MROH9: variants seen among roughly 807,000 people sequenced by gnomAD.
MROH9 encodes maestro heat-like repeat-containing protein family member 9.
MROH9 carries 92 observed loss-of-function variants against 98.2 expected under a neutral mutation model. That is an observed-to-expected ratio of 0.94 (90% CI 0.79 to 1.11). The LOEUF is 1.11. Among genes scored for constraint, MROH9 ranks in the 50% most tolerant of loss-of-function variants. MROH9 has a pLI of 0.00. For missense variants in MROH9, 1,057 were observed against 1,014.8 expected, an observed-to-expected ratio of 1.04 and a Z score of -0.57; for synonymous variants, 397 against 368.9, an observed-to-expected ratio of 1.08 and a Z score of -0.87.
chr1:171,039,680 A>C (rs1653232395), intron 20 of MROH9, among the ~76,000 whole-genome samples: 1 of 152,350 alleles, frequency 6.6e-6, no homozygotes, highest in South Asian at 2.1e-4. Flanking sequence ...AAGAAAAAAA[A>C]GAAATTTGAC....
Position 171,024,719 on chromosome 1 carries a change from A to G in MROH9, c.2132A>G (p.Glu711Gly), listed in dbSNP as rs1209037777. ...TCAACATCACGTTTGCTCAAAGATG[A>G]AAATTACAGTTTTGAGATGGTGGTG... is the stretch of plus-strand genomic sequence containing the variant. ...KWSTSRLLKD[E>G]NYSFEMVVLN... Residue 711 changes from glutamate (E) to glycine (G), a missense_variant, in exon 19 of 22, where the codon GAA becomes GGA. By Grantham distance (98) the Glu-to-Gly change is moderately conservative. Transcript: ENST00000367759. The G allele has an allele frequency of 6.4e-7, 1 of 1,551,204 alleles. No individual in the cohort carries two copies.
intron 20 of MROH9, among the ~76,000 whole-genome samples, chr1:171,027,140 T>C (rs994383492): frequency 2.6e-5 from 4 of 151,972 alleles, no homozygotes; most frequent in South Asian, 4.2e-4. Flanking sequence ...GTTTGTTACA[T>C]AGCTATACAT....
chr1:170,948,832 A>T (rs982724460), intron 3 of MROH9, among the ~76,000 whole-genome samples: 5 of 152,078 alleles, frequency 3.3e-5, no homozygotes, highest in African/African-American at 1.2e-4. Context: ...ACATTCCAAG[A>T]AGAGGAAACA....
In MROH9 at chr1:171,008,353, A is replaced by T. The variant is rs1249109265; in HGVS notation, c.1597-5764A>T. Among the ~76,000 whole-genome samples, 7 of 152,274 alleles carry T rather than the reference A, an allele frequency of 4.6e-5. No homozygotes were observed. The East Asian group carries it at 1.3e-3, about 29-fold the overall frequency. On this transcript the variant is annotated intron_variant, in intron 15 of 21. Coordinates refer to ENST00000367759, the MANE Select transcript of MROH9 (RefSeq NM_001163629.2). ...ATATGATTGGAACTTGACTTATTAG[A>T]ATTTTATTAAGAATTTTTATATCTT...
At chr1:171,028,185 A>G (rs1440354206) in intron 20 of MROH9, among the ~76,000 whole-genome samples, 1 of 152,012 alleles carries the variant, frequency 6.6e-6, no homozygotes. Flanking sequence ...TAAGTCTTTA[A>G]GCCTTGTTAA....
intron 20 of MROH9, among the ~76,000 whole-genome samples, chr1:171,035,669 A>AAGAT (rs1361531177): frequency 1.3e-5 from 2 of 152,208 alleles, no homozygotes; most frequent in Non-Finnish European, 2.9e-5. Flanking sequence ...AACATATAAA[A>AAGAT]AGATATTTGA....
chr1:171,051,093 T>C (rs928671275), intron 20 of MROH9, among the ~76,000 whole-genome samples: 2 of 152,216 alleles, frequency 1.3e-5, no homozygotes, highest in African/African-American at 2.4e-5. Flanking sequence ...CAACAAAAGA[T>C]GCCAGTGAGG....
chr1:171,009,788 G>A (rs1255843936), intron 15 of MROH9, among the ~76,000 whole-genome samples: 5 of 152,158 alleles, frequency 3.3e-5, no homozygotes, highest in Admixed American at 6.5e-5. Context: ...CAGGGGCCAA[G>A]AAAAATAGAT....
In MROH9 at chr1:170,959,431, A is replaced by C. The variant is rs758642685; in HGVS notation, c.153-31A>C. Reference sequence around the variant, plus strand: ...AAATTTCTATTATATTTGTTTTCTCATCATTAATAATTGCTCCTTTTTCTT... The same window carrying C: ...AAATTTCTATTATATTTGTTTTCTCCTCATTAATAATTGCTCCTTTTTCTT... On this transcript the variant is annotated intron_variant, in intron 4 of 21. Transcript: ENST00000367759. The C allele has an allele frequency of 1.1e-5, 17 of 1,557,218 alleles. No homozygotes were observed. In the African/African-American group the frequency reaches 1.2e-4, roughly 11 times the overall value.
chr1:171,052,034 C>T (rs983107227), intron 20 of MROH9, among the ~76,000 whole-genome samples: 1 of 146,368 alleles, frequency 6.8e-6, no homozygotes. Flanking sequence ...GGTCTTGGAC[C>T]TTTTTTTTTT....
chr1:170,944,493 T>A (rs1193495700), intron 1 of MROH9, among the ~76,000 whole-genome samples: 1 of 152,022 alleles, frequency 6.6e-6, no homozygotes, highest in Non-Finnish European at 1.5e-5. Context: ...TATGGTTAAA[T>A]CACTAGTAAA....
chr1:171,028,366 G>A (rs1253076828), intron 20 of MROH9, among the ~76,000 whole-genome samples: 1 of 152,094 alleles, frequency 6.6e-6, no homozygotes, highest in Non-Finnish European at 1.5e-5. Context: ...TGAGGTCTCT[G>A]TTCTGTTCCA....
In MROH9 at chr1:171,014,257, A is replaced by T. The variant is rs1010707534; in HGVS notation, c.1734+3A>T. The T allele has an allele frequency of 8.4e-6, 13 of 1,547,874 alleles. No homozygotes were observed. The African/African-American group carries it at 1.8e-4, about 21-fold the overall frequency. On this transcript the variant is annotated splice_donor_region_variant and intron_variant, in intron 16 of 21. Coordinates refer to ENST00000367759, the MANE Select transcript of MROH9 (RefSeq NM_001163629.2). Reference sequence around the variant, plus strand: ...ACATGTCACCAATTATCAATAAGGTATGTGTATGTGATTTGTGTCTGCAAG... The same window carrying T: ...ACATGTCACCAATTATCAATAAGGTTTGTGTATGTGATTTGTGTCTGCAAG...
At chr1:171,041,705 A>C (rs1653311604) in intron 20 of MROH9, among the ~76,000 whole-genome samples, 1 of 151,800 alleles carries the variant, frequency 6.6e-6, no homozygotes, top group Admixed American at 6.6e-5. Flanking sequence ...ATATGCATTC[A>C]TTTTTCTCTG....
chr1:170,996,585 T>C lies in MROH9; in HGVS notation c.1416T>C (p.Asn472=), dbSNP rs756626183. The part of the protein sequence containing the change: ...QQVDITLMKE[N]FWDQLSEDLC... ...TGGATATTACTCTAATGAAGGAGAA[T>C]TTCTGGGACCAGTTATCTGAAGATC... Residue 472 remains asparagine (N), a synonymous_variant, in exon 14 of 22, where the codon AAT becomes AAC. Coordinates refer to ENST00000367759, the MANE Select transcript of MROH9 (RefSeq NM_001163629.2). The C allele has an allele frequency of 3.1e-6, 5 of 1,613,618 alleles. No individual in the cohort carries two copies. In the South Asian group the frequency reaches 5.5e-5, roughly 18 times the overall value.
intron 20 of MROH9, among the ~76,000 whole-genome samples, chr1:171,033,027 A>G (rs936406817): frequency 3.9e-5 from 6 of 152,210 alleles, no homozygotes; most frequent in Non-Finnish European, 5.9e-5. Context: ...GATGGGTAAG[A>G]GTCAGGCCTG....
rs1293861567 is a variant in MROH9 at position 170,986,723 on chromosome 1, AC to A, written c.879+14del. On this transcript the variant is annotated intron_variant, in intron 10 of 21. Transcript: ENST00000367759. Reference sequence around the variant, plus strand: ...GAAGGTCACCATGGTAAGATACTTGACAATAAGCAGGAGAGCACAGGGTTTA... The same window carrying A: ...GAAGGTCACCATGGTAAGATACTTGAAATAAGCAGGAGAGCACAGGGTTTA... 1 of 1,612,250 alleles carries A rather than the reference AC, an allele frequency of 6.2e-7. No individual in the cohort carries two copies. The highest frequency in any genetic ancestry group is 1.1e-5 in the South Asian group (1 of 90,806).
intron 8 of MROH9, among the ~76,000 whole-genome samples, chr1:170,974,215 T>A (rs372234537): frequency 6.6e-6 from 1 of 152,014 alleles, no homozygotes; most frequent in Non-Finnish European, 1.5e-5. Context: ...TTTATTTGAG[T>A]CTCTGAAAGT....
intron 1 of MROH9, among the ~76,000 whole-genome samples, chr1:170,939,181 T>A (rs925147230): frequency 6.6e-6 from 1 of 152,232 alleles, no homozygotes; most frequent in Non-Finnish European, 1.5e-5. Context: ...CTCAAATTTC[T>A]TCATCAATTT....
Sources: gnomAD v4.1 joint callset for allele counts (sites outside exome capture counted in the v4.1 genomes callset) on GRCh38, gnomAD v4.1.1 for gene constraint, MANE v1.5 for transcripts, NCBI Gene and HGNC (gene_info 2026-07-23, HGNC 2026-07-21) for gene names.